Variants in PDE4D observed in about 807,000 individuals in gnomAD.
The protein encoded by PDE4D is 3',5'-cyclic-AMP phosphodiesterase 4D.
PDE4D carries 24 observed loss-of-function variants against 87.4 expected under a neutral mutation model. That is an observed-to-expected ratio of 0.27 (90% CI 0.20 to 0.39). PDE4D has a LOEUF of 0.39. PDE4D is among the 10% of genes least tolerant of loss of function. The pLI, the probability that PDE4D is intolerant of heterozygous loss-of-function variation, is 1.00. For missense variants in PDE4D, 714 were observed against 1,041.0 expected (o/e 0.69, Z 4.32); for synonymous variants, 384 against 383.2 (o/e 1.00, Z -0.02).
At chr5:59,832,121 C>A (rs985008881) in intron 1 of PDE4D, among the ~76,000 whole-genome samples, 1 of 152,054 alleles carries the variant, frequency 6.6e-6, no homozygotes, top group Non-Finnish European at 1.5e-5. Flanking sequence ...AGGAAAAGTG[C>A]GGGATCGAAA....
intron 5 of PDE4D, among the ~76,000 whole-genome samples, chr5:59,178,741 C>T (rs1430279127): frequency 6.6e-6 from 1 of 152,192 alleles, no homozygotes; most frequent in Non-Finnish European, 1.5e-5. Flanking sequence ...TCATATGTGA[C>T]CTCAAGCTAA....
chr5:60,191,957 A>G (rs891304132), intron 1 of PDE4D, among the ~76,000 whole-genome samples: 1 of 152,100 alleles, frequency 6.6e-6, no homozygotes, highest in African/African-American at 2.4e-5. Context: ...CTGAGATTGC[A>G]CCATTGCACT....
intron 1 of PDE4D, among the ~76,000 whole-genome samples, chr5:59,293,679 A>G (rs1407464580): frequency 6.6e-6 from 1 of 152,162 alleles, no homozygotes; most frequent in Non-Finnish European, 1.5e-5. Context: ...TTGCGTTCTT[A>G]CCTAAATAGG....
intron 1 of PDE4D, among the ~76,000 whole-genome samples, chr5:59,802,216 T>C (rs182489857): frequency 3.4e-4 from 50 of 145,538 alleles, no homozygotes; most frequent in Admixed American, 1.3e-3. Flanking sequence ...GATCAGTTTT[T>C]TGTTTTGTTT....
intron 2 of PDE4D, among the ~76,000 whole-genome samples, chr5:60,018,816 A>T (rs536698524): frequency 1.3e-5 from 2 of 152,322 alleles, no homozygotes; most frequent in African/African-American, 4.8e-5. Flanking sequence ...TGCACCCAAT[A>T]CATGAACAGC....
chr5:60,410,529 T>C (rs79121690), intron 1 of PDE4D, among the ~76,000 whole-genome samples: 5,749 of 152,322 alleles, frequency 0.038, 352 homozygotes, highest in African/African-American at 0.13. Flanking sequence ...AGGAGGAAGA[T>C]CACATTAGTT....
At chr5:60,067,095 TG>T (rs1178443588) in intron 2 of PDE4D, among the ~76,000 whole-genome samples, 1 of 152,144 alleles carries the variant, frequency 6.6e-6, no homozygotes, top group African/African-American at 2.4e-5. Flanking sequence ...TCTCCTCTGA[TG>T]TTTGATATAT....
intron 1 of PDE4D, among the ~76,000 whole-genome samples, chr5:59,826,684 A>G (rs887506720): frequency 6.6e-5 from 10 of 152,086 alleles, no homozygotes; most frequent in Non-Finnish European, 1.0e-4. Flanking sequence ...GTTTCTGTAA[A>G]CCTGTATAGC....
intron 1 of PDE4D, among the ~76,000 whole-genome samples, chr5:59,668,006 T>G (rs2150313972): frequency 6.6e-6 from 1 of 152,344 alleles, no homozygotes; most frequent in South Asian, 2.1e-4. Flanking sequence ...TGTTTATACT[T>G]CTGTGGAAAT....
At chr5:59,386,222 A>G (rs1337284111) in intron 1 of PDE4D, among the ~76,000 whole-genome samples, 2 of 152,158 alleles carry the variant, frequency 1.3e-5, no homozygotes, top group Non-Finnish European at 2.9e-5. Context: ...AAACAATTTT[A>G]TCTATTAAAA....
chr5:59,225,737 C>T (rs912400871), intron 1 of PDE4D, among the ~76,000 whole-genome samples: 1 of 149,138 alleles, frequency 6.7e-6, no homozygotes, highest in African/African-American at 2.5e-5. Context: ...CATTTGCAAA[C>T]CATATATCTG....
chr5:59,713,002 T>C (rs1399219615), intron 1 of PDE4D, among the ~76,000 whole-genome samples: 1 of 152,188 alleles, frequency 6.6e-6, no homozygotes, highest in Non-Finnish European at 1.5e-5. Flanking sequence ...TGCTTTGGCA[T>C]GGATATCATC....
At chr5:59,107,398 G>C (rs1417382995) in intron 5 of PDE4D, among the ~76,000 whole-genome samples, 1 of 152,058 alleles carries the variant, frequency 6.6e-6, no homozygotes, top group African/African-American at 2.4e-5. Flanking sequence ...TAGTAGAGAC[G>C]GGGTTTCATC....
At chr5:59,133,000 T>C (rs1208665169) in intron 5 of PDE4D, among the ~76,000 whole-genome samples, 2 of 152,188 alleles carry the variant, frequency 1.3e-5, no homozygotes, top group Non-Finnish European at 2.9e-5. Flanking sequence ...TACATTGGGA[T>C]AAAAAATTCT....
At chr5:58,978,394 C>T (rs1744309259) in intron 11 of PDE4D, among the ~76,000 whole-genome samples, 1 of 151,812 alleles carries the variant, frequency 6.6e-6, no homozygotes, top group African/African-American at 2.4e-5. Context: ...CCAAACTAGG[C>T]AACAGAGCAA....
At chr5:59,486,529 A>G (rs1345840198) in intron 1 of PDE4D, among the ~76,000 whole-genome samples, 1 of 152,210 alleles carries the variant, frequency 6.6e-6, no homozygotes, top group East Asian at 1.9e-4. Context: ...CATGTGCCCT[A>G]TTGCATGCTT....
chr5:59,778,873 T>A (rs1764332109), intron 1 of PDE4D, among the ~76,000 whole-genome samples: 1 of 152,222 alleles, frequency 6.6e-6, no homozygotes, highest in Admixed American at 6.5e-5. Context: ...GTTTTAGAAA[T>A]CCTTTTGCTA....
chr5:59,391,839 A>C (rs1005957202), intron 1 of PDE4D, among the ~76,000 whole-genome samples: 1 of 151,418 alleles, frequency 6.6e-6, no homozygotes, highest in African/African-American at 2.4e-5. Flanking sequence ...TCCACCACCC[A>C]CCACACACAC....
At chr5:60,453,329 G>A (rs921454020) in intron 1 of PDE4D, among the ~76,000 whole-genome samples, 1 of 152,074 alleles carries the variant, frequency 6.6e-6, no homozygotes, top group African/African-American at 2.4e-5. Flanking sequence ...ACAAAGGAGA[G>A]ATTATACTCT....
Sources: gnomAD v4.1 joint callset for allele counts (sites outside exome capture counted in the v4.1 genomes callset) on GRCh38, gnomAD v4.1.1 for gene constraint, MANE v1.5 for transcripts, NCBI Gene and HGNC (gene_info 2026-07-23, HGNC 2026-07-21) for gene names.